DSCAM: variants seen among roughly 807,000 people sequenced by gnomAD.
DSCAM encodes cell adhesion molecule DSCAM.
In DSCAM, 47 loss-of-function variants were observed where a neutral mutation model predicts 217.7. The observed-to-expected ratio is 0.22, with a 90% CI of 0.17 to 0.28. The LOEUF is 0.28. Ranked by LOEUF, DSCAM falls within the 10% of genes least tolerant of loss-of-function variation. The pLI is 1.00. For synonymous variants in DSCAM, 1,056 were observed against 1,015.3 expected, an observed-to-expected ratio of 1.04 and a Z score of -0.76; for missense variants, 2,080 against 2,618.3, an observed-to-expected ratio of 0.79 and a Z score of 4.49.
At chr21:40,134,062 C>T (rs530544080) in intron 18 of DSCAM, 53 bp from the exon 19 acceptor site, 27 of 1,564,612 alleles carry the variant, frequency 1.7e-5, no homozygotes, top group Non-Finnish European at 2.2e-5. Context: ...CATTTCTGCT[C>T]GTTTTTCCGC....
At chr21:40,236,330 G>A (rs879863368) in intron 11 of DSCAM, among the ~76,000 whole-genome samples, 7 of 152,078 alleles carry the variant, frequency 4.6e-5, no homozygotes, top group South Asian at 2.1e-4. Context: ...GAAGAGCATC[G>A]GAGCTCTGGC....
intron 10 of DSCAM, among the ~76,000 whole-genome samples, chr21:40,291,365 G>A (rs990551408): frequency 5.3e-5 from 8 of 152,188 alleles, no homozygotes; most frequent in African/African-American, 1.9e-4. Context: ...TAGCCTCCTA[G>A]CTTCTGGCTT....
chr21:40,197,118 CTTTCTT>C (rs1318488745), intron 11 of DSCAM, among the ~76,000 whole-genome samples: 13 of 146,542 alleles, frequency 8.9e-5, no homozygotes, highest in Non-Finnish European at 1.5e-4. Context: ...TTCTTTCTTT[CTTTCTT>C]TTTTTCTTTT....
At chr21:40,493,459 C>T (rs8134455) in intron 3 of DSCAM, among the ~76,000 whole-genome samples, 71,197 of 151,918 alleles carry the variant, frequency 0.47, 16,962 homozygotes, top group African/African-American at 0.54. Flanking sequence ...ATGTAAATTG[C>T]TTATATCTTT....
intron 10 of DSCAM, among the ~76,000 whole-genome samples, chr21:40,285,420 G>T (rs995926886): frequency 2.0e-5 from 3 of 152,166 alleles, no homozygotes. Context: ...GGGCCCCAGG[G>T]TTGACTGTCC....
intron 3 of DSCAM, among the ~76,000 whole-genome samples, chr21:40,462,589 G>A (rs1257382374): frequency 6.6e-6 from 1 of 152,178 alleles, no homozygotes; most frequent in Non-Finnish European, 1.5e-5. Flanking sequence ...TGGCAATAAA[G>A]ATCCCCAAGT....
intron 3 of DSCAM, among the ~76,000 whole-genome samples, chr21:40,560,784 C>T (rs1036245976): frequency 2.6e-5 from 4 of 152,210 alleles, no homozygotes; most frequent in African/African-American, 9.7e-5. Context: ...GGGATTGCAG[C>T]TTGCTGCCTC....
intron 3 of DSCAM, among the ~76,000 whole-genome samples, chr21:40,510,648 T>G (rs2076251113): frequency 6.6e-6 from 1 of 152,200 alleles, no homozygotes; most frequent in South Asian, 2.1e-4. Flanking sequence ...AGAGCTGTCC[T>G]TTTTCATTGG....
chr21:40,529,228 C>G (rs1430682613), intron 3 of DSCAM, among the ~76,000 whole-genome samples: 1 of 152,082 alleles, frequency 6.6e-6, no homozygotes, highest in African/African-American at 2.4e-5. Flanking sequence ...TCCTCTTCCT[C>G]AAAGCATTCC....
chr21:40,166,222 T>C (rs1486711124), intron 16 of DSCAM, among the ~76,000 whole-genome samples: 1 of 152,084 alleles, frequency 6.6e-6, no homozygotes. Flanking sequence ...GTGTGTGATG[T>C]GAAGACCTTA....
intron 27 of DSCAM, among the ~76,000 whole-genome samples, chr21:40,074,604 C>T (rs920465328): frequency 6.6e-6 from 1 of 152,202 alleles, no homozygotes; most frequent in Non-Finnish European, 1.5e-5. Context: ...GGCATGTGTC[C>T]TCTGCCTCAC....
chr21:40,805,567 G>T (rs985795442), intron 1 of DSCAM, among the ~76,000 whole-genome samples: 2 of 152,120 alleles, frequency 1.3e-5, no homozygotes, highest in Non-Finnish European at 2.9e-5. Context: ...TGGGAATTAC[G>T]CCATGACCCC....
At chr21:40,283,769 T>C (rs2073792350) in intron 10 of DSCAM, among the ~76,000 whole-genome samples, 1 of 152,192 alleles carries the variant, frequency 6.6e-6, no homozygotes, top group African/African-American at 2.4e-5. Flanking sequence ...TGTAGGATTG[T>C]TGTGCACATA....
chr21:40,642,490 T>C (rs1229155753), intron 3 of DSCAM, among the ~76,000 whole-genome samples: 5 of 152,192 alleles, frequency 3.3e-5, no homozygotes. Context: ...GAAATTTTTC[T>C]GCCCCCAGTT....
intron 3 of DSCAM, among the ~76,000 whole-genome samples, chr21:40,603,706 G>A (rs1378674360): frequency 6.6e-6 from 1 of 151,676 alleles, no homozygotes; most frequent in Non-Finnish European, 1.5e-5. Flanking sequence ...ATCTTGGTGG[G>A]TTTTTTGTTG....
intron 11 of DSCAM, among the ~76,000 whole-genome samples, chr21:40,269,941 C>T (rs551088148): frequency 3.6e-4 from 54 of 152,110 alleles, no homozygotes; most frequent in African/African-American, 1.0e-3. Flanking sequence ...AGGGGGTGGA[C>T]GGGAAATAAT....
intron 30 of DSCAM, among the ~76,000 whole-genome samples, chr21:40,045,747 C>A (rs1264751524): frequency 6.6e-6 from 1 of 152,224 alleles, no homozygotes; most frequent in African/African-American, 2.4e-5. Context: ...CTAAACCCAG[C>A]AGACTGTATT....
intron 1 of DSCAM, among the ~76,000 whole-genome samples, chr21:40,791,153 T>C (rs925969860): frequency 9.6e-6 from 1 of 104,666 alleles, no homozygotes; most frequent in African/African-American, 2.9e-5. Context: ...CGAGACTTCA[T>C]CTCAAAAAAA....
rs544860713 is a variant in DSCAM, at chr21:40,658,287, C to G, written c.508+34523G>C. On this transcript the variant is annotated intron_variant, in intron 3 of 32. Coordinates refer to ENST00000400454, the MANE Select transcript of DSCAM (RefSeq NM_001389.5). The stretch of plus-strand genomic sequence containing the variant: ...CAAATGTCACTTCCTGCCTGGTTTA[C>G]AAAATTATCATTTAATTTCTGAACC... 2.0e-5 allele frequency among the ~76,000 whole-genome samples: 3 copies of G among 152,320 alleles called. No homozygotes were observed. The East Asian group carries it at 5.8e-4, about 29-fold the overall frequency.
Sources: gnomAD v4.1 joint callset for allele counts (sites outside exome capture counted in the v4.1 genomes callset) on GRCh38, gnomAD v4.1.1 for gene constraint, MANE v1.5 for transcripts, NCBI Gene and HGNC (gene_info 2026-07-23, HGNC 2026-07-21) for gene names.